NAV2: variants seen among roughly 807,000 people sequenced by gnomAD.
NAV2 encodes the protein helicase, APC down-regulated 1.
NAV2 carries 54 observed loss-of-function variants against 223.2 expected under a neutral mutation model. The observed-to-expected ratio is 0.24, with a 90% CI of 0.19 to 0.30. The LOEUF (loss-of-function observed/expected upper bound fraction) is 0.30. NAV2 is among the 10% of genes least tolerant of loss of function. NAV2 has a pLI of 1.00. For missense variants in NAV2, 2,806 were observed against 3,147.5 expected, an observed-to-expected ratio of 0.89 and a Z score of 2.60; for synonymous variants, 1,279 against 1,239.3, an observed-to-expected ratio of 1.03 and a Z score of -0.67.
chr11:19,952,479 C>T (rs748794224), intron 10 of NAV2, among the ~76,000 whole-genome samples: 5 of 152,168 alleles, frequency 3.3e-5, no homozygotes, highest in Non-Finnish European at 7.4e-5. Context: ...CGCTTGGAAA[C>T]AATGAAATGA....
intron 1 of NAV2, among the ~76,000 whole-genome samples, chr11:19,426,111 G>C (rs1299487729): frequency 6.6e-6 from 1 of 152,200 alleles, no homozygotes; most frequent in African/African-American, 2.4e-5. Context: ...GGTGAAAGGA[G>C]ACATGAGTTT....
At chr11:19,587,465 C>T (rs887919829) in intron 1 of NAV2, among the ~76,000 whole-genome samples, 5 of 152,198 alleles carry the variant, frequency 3.3e-5, no homozygotes, top group Admixed American at 6.5e-5. Flanking sequence ...TCTTCTGCGT[C>T]GCTCATGCTA....
chr11:19,613,979 TA>T (rs1442857994), intron 1 of NAV2, among the ~76,000 whole-genome samples: 1 of 152,250 alleles, frequency 6.6e-6, no homozygotes, highest in Non-Finnish European at 1.5e-5. Flanking sequence ...AATAATTTTT[TA>T]GCACTTTCTA....
chr11:19,954,241 T>C (rs2047640478), intron 10 of NAV2, among the ~76,000 whole-genome samples: 1 of 152,182 alleles, frequency 6.6e-6, no homozygotes, highest in African/African-American at 2.4e-5. Flanking sequence ...AATAGCCTAG[T>C]GTAGAGAGAA....
At chr11:19,970,742 A>C (rs1422806850) in intron 10 of NAV2, among the ~76,000 whole-genome samples, 1 of 152,246 alleles carries the variant, frequency 6.6e-6, no homozygotes, top group Non-Finnish European at 1.5e-5. Context: ...TTTATTGAAC[A>C]CACAAATACA....
At chr11:19,506,307 G>A (rs12806445) in intron 1 of NAV2, 21,458 of 152,234 alleles carry the variant, frequency 0.14, 1,608 homozygotes, top group Admixed American at 0.2. Flanking sequence ...AGGACTTGTA[G>A]CCGATCTGAC....
At chr11:19,915,020 ATC>A (rs2043678598) in intron 6 of NAV2, among the ~76,000 whole-genome samples, 1 of 151,960 alleles carries the variant, frequency 6.6e-6, no homozygotes, top group Non-Finnish European at 1.5e-5. Flanking sequence ...AGAGAAGTTT[ATC>A]TCTGTTTTCT....
At chr11:19,709,095 A>T (rs1355045062), upstream of NAV2, among the ~76,000 whole-genome samples, 1 of 152,086 alleles carries the variant, frequency 6.6e-6, no homozygotes, top group African/African-American at 2.4e-5. Flanking sequence ...GGCCGTTTTT[A>T]TAATTTGAGA....
At chr11:19,905,927 CT>C (rs1191001526) in intron 6 of NAV2, among the ~76,000 whole-genome samples, 63 of 152,206 alleles carry the variant, frequency 4.1e-4, no homozygotes, top group African/African-American at 1.3e-3. Flanking sequence ...ACCCTCTCAC[CT>C]TGATAAGTTT....
intron 1 of NAV2, among the ~76,000 whole-genome samples, chr11:19,799,364 A>G (rs1429619209): frequency 3.3e-5 from 5 of 152,126 alleles, no homozygotes; most frequent in East Asian, 1.9e-4. Context: ...TAGTTCTACA[A>G]TTGCTGAGTG....
At chr11:19,571,764 T>C (rs747819804) in intron 1 of NAV2, among the ~76,000 whole-genome samples, 1 of 151,974 alleles carries the variant, frequency 6.6e-6, no homozygotes, top group African/African-American at 2.4e-5. Flanking sequence ...TTTACTTTCA[T>C]TAAAAAGAAA....
chr11:19,740,324 A>G (rs537432065), intron 1 of NAV2, among the ~76,000 whole-genome samples: 103 of 152,280 alleles, frequency 6.8e-4, no homozygotes, highest in Non-Finnish European at 8.7e-4. Flanking sequence ...GATTAAGGGC[A>G]GTGCAAGATG....
intron 1 of NAV2, among the ~76,000 whole-genome samples, chr11:19,743,840 T>C (rs1005092341): frequency 6.6e-6 from 1 of 151,858 alleles, no homozygotes; most frequent in African/African-American, 2.4e-5. Flanking sequence ...CCAAAGAGCC[T>C]GGAGTGTCTA....
intron 1 of NAV2, among the ~76,000 whole-genome samples, chr11:19,783,746 A>G (rs1263913079): frequency 6.6e-6 from 1 of 152,206 alleles, no homozygotes; most frequent in East Asian, 1.9e-4. Flanking sequence ...GATGATGATG[A>G]TAATCATTCC....
intron 1 of NAV2, among the ~76,000 whole-genome samples, chr11:19,367,900 C>A (rs1354116806): frequency 6.6e-6 from 1 of 152,302 alleles, no homozygotes; most frequent in African/African-American, 2.4e-5. Flanking sequence ...CTCTTATGTG[C>A]ATTCATTCAT....
intron 1 of NAV2, among the ~76,000 whole-genome samples, chr11:19,654,544 T>A (rs11025210): frequency 0.86 from 131,527 of 152,060 alleles, 58,020 homozygotes; most frequent in Middle Eastern, 0.96. Context: ...CAAAACAGAG[T>A]TATAGACCAA....
At chr11:19,495,065 A>G (rs2042750841) in intron 1 of NAV2, among the ~76,000 whole-genome samples, 1 of 152,224 alleles carries the variant, frequency 6.6e-6, no homozygotes, top group Non-Finnish European at 1.5e-5. Flanking sequence ...CTGGGTCTCC[A>G]GAGGACCCAT....
At chr11:19,419,763 GAGA>G (rs577614114) in intron 1 of NAV2, among the ~76,000 whole-genome samples, 5 of 152,190 alleles carry the variant, frequency 3.3e-5, no homozygotes, top group South Asian at 2.1e-4. Flanking sequence ...CTGAGAAATG[GAGA>G]AGAAGTGAAT....
rs187768491 is a variant in NAV2 at position 19,741,015 on chromosome 11, A to C, written c.267+27053A>C. ...AGTAGAAGGGATGTGAGATTGTAGCAAGAGATCAAGTGAGAGGAGTTTAGA... is the reference window on the plus strand; with the variant it reads ...AGTAGAAGGGATGTGAGATTGTAGCCAGAGATCAAGTGAGAGGAGTTTAGA... On this transcript the variant is annotated intron_variant, in intron 1 of 37. Transcript: ENST00000349880. Among the ~76,000 whole-genome samples the C allele has an allele frequency of 1.7e-4, 26 of 152,360 alleles. No individual in the cohort carries two copies. In the East Asian group the frequency reaches 5.0e-3, roughly 29 times the overall value.
Sources: allele counts gnomAD v4.1 joint callset (sites outside exome capture counted in the v4.1 genomes callset), GRCh38; gene constraint gnomAD v4.1.1; transcripts MANE v1.5; gene names NCBI Gene and HGNC (gene_info 2026-07-23, HGNC 2026-07-21).